The following ATRNL1 variants were observed in gnomAD, a reference collection of about 807,000 sequenced individuals.
The protein encoded by ATRNL1 is attractin-like protein 1.
ATRNL1 carries 95 observed loss-of-function variants against 182.7 expected under a neutral mutation model. The ratio of observed to expected loss-of-function variants is 0.52; its 90% CI spans 0.44 to 0.62. The LOEUF is 0.62. ATRNL1 is among the 20% of genes least tolerant of loss of function. The pLI, the probability that ATRNL1 is intolerant of heterozygous loss-of-function variation, is 0.00. For missense variants in ATRNL1, 1,471 were observed against 1,679.5 expected, an observed-to-expected ratio of 0.88 and a Z score of 2.17; for synonymous variants, 576 against 568.3, an observed-to-expected ratio of 1.01 and a Z score of -0.19.
At chr10:115,442,876 A>G (rs1455078921) in intron 21 of ATRNL1, among the ~76,000 whole-genome samples, 1 of 152,070 alleles carries the variant, frequency 6.6e-6, no homozygotes, top group Non-Finnish European at 1.5e-5. Context: ...TAAAAGATTA[A>G]TCTGAGGAGA....
intron 28 of ATRNL1, among the ~76,000 whole-genome samples, chr10:115,907,540 G>T (rs1555114840): frequency 6.6e-6 from 1 of 152,170 alleles, no homozygotes; most frequent in Non-Finnish European, 1.5e-5. Context: ...TAATTTAATA[G>T]CTACAACATG....
At chr10:115,657,087 G>T (rs11197383) in intron 26 of ATRNL1, among the ~76,000 whole-genome samples, 1 of 152,048 alleles carries the variant, frequency 6.6e-6, no homozygotes, top group Non-Finnish European at 1.5e-5. Flanking sequence ...CTGAAACTCA[G>T]TTTCCAAGGA....
intron 26 of ATRNL1, among the ~76,000 whole-genome samples, chr10:115,694,702 G>T (rs1946497714): frequency 6.6e-6 from 1 of 151,960 alleles, no homozygotes; most frequent in African/African-American, 2.4e-5. Context: ...CAAAATTGTA[G>T]TGGAACACAA....
At chr10:115,588,199 G>C (rs898982564) in intron 26 of ATRNL1, among the ~76,000 whole-genome samples, 6 of 152,090 alleles carry the variant, frequency 3.9e-5, no homozygotes, top group African/African-American at 1.4e-4. Flanking sequence ...ATTCTAGACT[G>C]TCCTCCCTTC....
chr10:115,924,244 T>C (rs781791178), intron 28 of ATRNL1, among the ~76,000 whole-genome samples: 20 of 152,218 alleles, frequency 1.3e-4, no homozygotes, highest in Non-Finnish European at 2.8e-4. Context: ...CAGAAGCTCT[T>C]TAGTTTAATA....
At chr10:115,255,672 A>G (rs781922480) in intron 10 of ATRNL1, among the ~76,000 whole-genome samples, 28 of 152,206 alleles carry the variant, frequency 1.8e-4, no homozygotes, top group Non-Finnish European at 2.9e-4. Context: ...TTGCAACACT[A>G]TGTTGAAGAG....
At chr10:115,256,017 TG>T (rs1190638486) in intron 10 of ATRNL1, among the ~76,000 whole-genome samples, 29 of 152,216 alleles carry the variant, frequency 1.9e-4, no homozygotes, top group African/African-American at 7.0e-4. Flanking sequence ...AGCTTTTTGA[TG>T]TGCTGATGGA....
intron 26 of ATRNL1, among the ~76,000 whole-genome samples, chr10:115,625,192 A>G (rs74161612): frequency 0.011 from 1,668 of 152,264 alleles, 30 homozygotes; most frequent in African/African-American, 0.038. Context: ...ATATAAATAT[A>G]TTTGGAACAG....
At chr10:115,516,797 T>A (rs527241981) in intron 24 of ATRNL1, among the ~76,000 whole-genome samples, 5 of 152,088 alleles carry the variant, frequency 3.3e-5, no homozygotes, top group African/African-American at 1.2e-4. Flanking sequence ...TGTGTGTTTT[T>A]AAACTTCTTA....
chr10:115,670,440 A>G (rs1945659747), intron 26 of ATRNL1, among the ~76,000 whole-genome samples: 1 of 152,128 alleles, frequency 6.6e-6, no homozygotes, highest in Non-Finnish European at 1.5e-5. Flanking sequence ...TTTAAGTTGC[A>G]TTTTTAAGTT....
intron 28 of ATRNL1, among the ~76,000 whole-genome samples, chr10:115,913,954 C>G (rs1236956571): frequency 1.3e-5 from 2 of 152,108 alleles, no homozygotes; most frequent in East Asian, 3.9e-4. Flanking sequence ...TGTCCCCACC[C>G]AAATTTCATC....
chr10:115,919,990 G>C (rs978029392), intron 28 of ATRNL1, among the ~76,000 whole-genome samples: 14 of 152,142 alleles, frequency 9.2e-5, no homozygotes, highest in Non-Finnish European at 1.8e-4. Context: ...ATTTCAACAC[G>C]TGGATTTGGG....
At chr10:115,221,158 G>A (rs759659018) in intron 9 of ATRNL1, among the ~76,000 whole-genome samples, 2 of 152,220 alleles carry the variant, frequency 1.3e-5, no homozygotes, top group Non-Finnish European at 2.9e-5. Context: ...AGCTCAGGCA[G>A]TAATGCGAGT....
intron 19 of ATRNL1, among the ~76,000 whole-genome samples, chr10:115,345,498 A>C (rs1338043832): frequency 6.6e-6 from 1 of 152,140 alleles, no homozygotes; most frequent in Admixed American, 6.6e-5. Flanking sequence ...TGATGTTGGC[A>C]ATTGGAGAAT....
At chr10:115,519,464 T>C (rs1850807732) in intron 25 of ATRNL1, 140 bp downstream of exon 25, 2 of 695,514 alleles carry the variant, frequency 2.9e-6, no homozygotes, top group Admixed American at 6.2e-5. Flanking sequence ...TATGCTTAAA[T>C]ATATCCCACA....
chr10:115,573,606 C>G (rs561881249), intron 26 of ATRNL1, among the ~76,000 whole-genome samples: 1 of 152,070 alleles, frequency 6.6e-6, no homozygotes, highest in Non-Finnish European at 1.5e-5. Flanking sequence ...CAGTATTTCC[C>G]TGTCTCCTGT....
At chr10:115,812,755 G>A (rs954401995) in intron 27 of ATRNL1, among the ~76,000 whole-genome samples, 11 of 151,906 alleles carry the variant, frequency 7.2e-5, no homozygotes, top group African/African-American at 2.2e-4. Context: ...GGGATTAGGG[G>A]CATGAACCAC....
At chr10:115,725,179 C>T (rs1188359650) in intron 26 of ATRNL1, among the ~76,000 whole-genome samples, 1 of 152,098 alleles carries the variant, frequency 6.6e-6, no homozygotes, top group Non-Finnish European at 1.5e-5. Context: ...AGTAGGCATT[C>T]AGTTCTTAAA....
intron 8 of ATRNL1, among the ~76,000 whole-genome samples, chr10:115,213,131 A>G (rs1342002602): frequency 2.0e-5 from 3 of 152,028 alleles, no homozygotes; most frequent in African/African-American, 7.2e-5. Context: ...CTTCTCATTC[A>G]AGTCGTGATT....
Sources: allele counts gnomAD v4.1 joint callset (sites outside exome capture counted in the v4.1 genomes callset), GRCh38; gene constraint gnomAD v4.1.1; transcripts MANE v1.5; gene names NCBI Gene and HGNC (gene_info 2026-07-23, HGNC 2026-07-21).